FSTL5: variants seen among roughly 807,000 people sequenced by gnomAD.
FSTL5 encodes follistatin like 5.
In FSTL5, 62 loss-of-function variants were observed where a neutral mutation model predicts 89.1. The ratio of observed to expected loss-of-function variants is 0.70; its 90% CI spans 0.57 to 0.86. The LOEUF (loss-of-function observed/expected upper bound fraction) is 0.86, where lower values mean the gene tolerates loss of function less well. Ranked by LOEUF, FSTL5 falls within the 40% of genes least tolerant of loss-of-function variation. The pLI, the probability that FSTL5 is intolerant of heterozygous loss-of-function variation, is 0.00. For missense variants in FSTL5, 1,057 were observed against 1,001.6 expected (o/e 1.06, Z -0.75); for synonymous variants, 383 against 346.2 (o/e 1.11, Z -1.18).
At chr4:161,544,791 C>T (rs985474445) in intron 8 of FSTL5, among the ~76,000 whole-genome samples, 13 of 151,884 alleles carry the variant, frequency 8.6e-5, no homozygotes, top group Non-Finnish European at 1.8e-4. Context: ...AGAGAACTGA[C>T]AAAATTTAAA....
intron 2 of FSTL5, among the ~76,000 whole-genome samples, chr4:162,086,631 T>C (rs1317900081): frequency 1.3e-5 from 2 of 151,958 alleles, no homozygotes; most frequent in African/African-American, 4.8e-5. Context: ...TTATTTCAAG[T>C]GTACTTTGCC....
At chr4:161,961,094 T>C (rs1735162040) in intron 3 of FSTL5, among the ~76,000 whole-genome samples, 1 of 152,126 alleles carries the variant, frequency 6.6e-6, no homozygotes, top group Non-Finnish European at 1.5e-5. Context: ...AATTTGAGAA[T>C]AGATAACTTC....
At chr4:162,060,561 A>G (rs1357557131) in intron 2 of FSTL5, among the ~76,000 whole-genome samples, 2 of 152,044 alleles carry the variant, frequency 1.3e-5, no homozygotes, top group Non-Finnish European at 2.9e-5. Context: ...TATTCTACAT[A>G]TGATATCCTG....
chr4:161,724,826 A>G (rs1005266312), intron 6 of FSTL5, among the ~76,000 whole-genome samples: 4 of 152,220 alleles, frequency 2.6e-5, no homozygotes, highest in African/African-American at 9.6e-5. Context: ...AAAGTACTCA[A>G]TGCAAAAATC....
intron 3 of FSTL5, among the ~76,000 whole-genome samples, chr4:162,021,861 G>A (rs749814638): frequency 6.6e-6 from 1 of 152,084 alleles, no homozygotes; most frequent in Admixed American, 6.6e-5. Context: ...GGGAGGCCGA[G>A]GCGGGTGGAT....
chr4:162,080,202 T>C (rs1730039738), intron 2 of FSTL5, among the ~76,000 whole-genome samples: 1 of 151,710 alleles, frequency 6.6e-6, no homozygotes, highest in Non-Finnish European at 1.5e-5. Context: ...TCTTTCAATA[T>C]AATTTATTTC....
At chr4:161,705,602 A>T (rs1032483642) in intron 6 of FSTL5, among the ~76,000 whole-genome samples, 2 of 151,792 alleles carry the variant, frequency 1.3e-5, no homozygotes, top group Non-Finnish European at 2.9e-5. Flanking sequence ...ATTCCGGGTC[A>T]ACTGCCTACT....
At chr4:161,636,090 C>CA (rs34996065) in intron 7 of FSTL5, among the ~76,000 whole-genome samples, 28,880 of 129,196 alleles carry the variant, frequency 0.22, 2,918 homozygotes, top group Middle Eastern at 0.35. Context: ...TAATTGACAG[C>CA]AAAAAAAAAA....
At chr4:161,872,148 T>TTTTTTTTTTTTTTG (rs1560892324) in intron 4 of FSTL5, among the ~76,000 whole-genome samples, 2 of 135,786 alleles carry the variant, frequency 1.5e-5, no homozygotes, top group Non-Finnish European at 3.2e-5. Flanking sequence ...TTGGTTTTTT[T>TTTTTTTTTTTTTTG]TTTTTTTTTT....
At chr4:161,634,217 G>A (rs191318047) in intron 7 of FSTL5, among the ~76,000 whole-genome samples, 96 of 152,294 alleles carry the variant, frequency 6.3e-4, no homozygotes, top group African/African-American at 2.1e-3. Context: ...AAAATTTGCA[G>A]GTGAACAGGA....
chr4:161,611,106 CAAGAA>C (rs992821744), intron 7 of FSTL5, among the ~76,000 whole-genome samples: 3 of 143,526 alleles, frequency 2.1e-5, no homozygotes, highest in African/African-American at 7.7e-5. Flanking sequence ...GAAGTGAGGA[CAAGAA>C]AAGAAAAGAT....
intron 8 of FSTL5, among the ~76,000 whole-genome samples, chr4:161,570,814 T>C (rs1732979306): frequency 6.6e-6 from 1 of 152,140 alleles, no homozygotes; most frequent in African/African-American, 2.4e-5. Flanking sequence ...AGGAAATCTA[T>C]GGAGTTAAGG....
At chr4:161,869,083 C>T (rs910333966) in intron 4 of FSTL5, among the ~76,000 whole-genome samples, 4 of 152,046 alleles carry the variant, frequency 2.6e-5, no homozygotes, top group Admixed American at 2.0e-4. Context: ...ACCTGTAGTA[C>T]CAGCTACTTG....
At chr4:161,521,673 C>T (rs1368809013) in intron 10 of FSTL5, among the ~76,000 whole-genome samples, 4 of 151,462 alleles carry the variant, frequency 2.6e-5, no homozygotes, top group African/African-American at 9.7e-5. Flanking sequence ...ACGGTGAAAC[C>T]CCGTCTCTAC....
rs769135023 is a variant in FSTL5 at position 161,542,466 on chromosome 4, G to A, written c.1177+66C>T. The A allele has an allele frequency of 7.6e-5, 81 of 1,068,972 alleles. No individual in the cohort carries two copies. The African/African-American group carries it at 8.4e-4, about 11-fold the overall frequency. 66.2% of individuals were successfully genotyped at this position (1,068,972 alleles called of 1,614,324 possible). On this transcript the variant is annotated intron_variant, in intron 9 of 15. Coordinates refer to ENST00000306100, the MANE Select transcript of FSTL5 (RefSeq NM_020116.5). ...ATTTTTCTTTTATTTTCCAAAGAAC[G>A]TTATAAATTTTAGTATAAATTTTCA... is the stretch of plus-strand genomic sequence containing the variant.
In FSTL5 at chr4:161,445,236, C is replaced by T. The variant is rs554100269; in HGVS notation, c.1841+9768G>A. ...TACTGAAACTCTATGTTGGACCATA[C>T]GAATAAATGGTAGTATAGAGCCTCT... is the stretch of plus-strand genomic sequence containing the variant. On this transcript the variant is annotated intron_variant, in intron 15 of 15. Transcript: ENST00000306100. 2.5e-4 allele frequency among the ~76,000 whole-genome samples: 38 copies of T among 151,780 alleles called. 1 individual carries two copies. The highest frequency in any genetic ancestry group is 5.9e-5 in the Non-Finnish European group (4 of 67,854).
rs764432408 is a variant in FSTL5, at chr4:161,759,419, C to G, written c.719G>C (p.Arg240Thr). The part of the protein sequence containing the change: ...DKHLALEEFY[R>T]AFQVIQLSLP... ...ATGAATCTTGTACTCACGGAATGCTCTATAAAATTCTTCAAGAGCCAGGTG... is the reference window on the plus strand; with the variant it reads ...ATGAATCTTGTACTCACGGAATGCTGTATAAAATTCTTCAAGAGCCAGGTG... The change falls in exon 6 of 16, where the codon AGA becomes ACA. Residue 240 changes from arginine (R) to threonine (T), a missense_variant. Arg to Thr is a moderately conservative substitution (Grantham distance 71). This residue lies in a region of FSTL5 where 980 missense variants were observed against 903.2 expected (regional missense o/e 1.08). Transcript: ENST00000306100. The G allele has an allele frequency of 3.1e-6, 5 of 1,589,282 alleles. No individual in the cohort carries two copies. In the African/African-American group the frequency reaches 6.8e-5, roughly 22 times the overall value.
chr4:161,636,062 T>C (rs910807561), intron 7 of FSTL5, among the ~76,000 whole-genome samples: 1 of 150,974 alleles, frequency 6.6e-6, no homozygotes, highest in Non-Finnish European at 1.5e-5. Context: ...TAGTACCCAA[T>C]GTCTTCCAAA....
chr4:162,120,636 A>T (rs1404892148), intron 1 of FSTL5, among the ~76,000 whole-genome samples: 15 of 152,058 alleles, frequency 9.9e-5, no homozygotes, highest in Admixed American at 6.5e-5. Context: ...TTGACTGTGA[A>T]GTGAGTCAAA....
Sources: allele counts gnomAD v4.1 joint callset (sites outside exome capture counted in the v4.1 genomes callset), GRCh38; gene constraint gnomAD v4.1.1; regional missense constraint gnomAD v4.1.1; transcripts MANE v1.5; gene names NCBI Gene and HGNC (gene_info 2026-07-23, HGNC 2026-07-21).